SNTG1: variants seen among roughly 807,000 people sequenced by gnomAD.
SNTG1 encodes syntrophin gamma 1.
A neutral mutation model predicts 74.7 loss-of-function variants in SNTG1; 39 were observed. The observed-to-expected ratio is 0.52, with a 90% CI of 0.40 to 0.68. The LOEUF is 0.68. Ranked by LOEUF, SNTG1 falls within the 30% of genes least tolerant of loss-of-function variation. SNTG1 has a pLI of 0.00. For synonymous variants in SNTG1, 254 were observed against 217.1 expected (o/e 1.17, Z -1.49); for missense variants, 685 against 609.5 (o/e 1.12, Z -1.30).
At chr8:50,570,470 G>C (rs931128627) in intron 12 of SNTG1, among the ~76,000 whole-genome samples, 4 of 149,006 alleles carry the variant, frequency 2.7e-5, no homozygotes, top group African/African-American at 9.8e-5. Flanking sequence ...TATTGGTTAG[G>C]CTGGTCTTGA....
chr8:49,931,691 A>C (rs1381343520), intron 1 of SNTG1, among the ~76,000 whole-genome samples: 1 of 152,216 alleles, frequency 6.6e-6, no homozygotes, highest in African/African-American at 2.4e-5. Flanking sequence ...CACACACTAG[A>C]ATTCCATCAG....
chr8:50,600,449 TAGAGCTCCA>T (rs1432808627), intron 13 of SNTG1, among the ~76,000 whole-genome samples: 1 of 151,408 alleles, frequency 6.6e-6, no homozygotes, highest in Non-Finnish European at 1.5e-5. Context: ...GGAGACTCAT[TAGAGCTCCA>T]ATCTCCTTCT....
intron 2 of SNTG1, among the ~76,000 whole-genome samples, chr8:50,299,312 T>C (rs545005185): frequency 1.3e-5 from 2 of 152,208 alleles, no homozygotes; most frequent in East Asian, 3.9e-4. Flanking sequence ...GTCTCCTCTT[T>C]CTCCTTCTTC....
At chr8:50,674,612 A>T (rs2095301401) in intron 15 of SNTG1, among the ~76,000 whole-genome samples, 1 of 151,910 alleles carries the variant, frequency 6.6e-6, no homozygotes, top group Admixed American at 6.6e-5. Context: ...TTTTTCAAAA[A>T]ACCAGCACCT....
intron 18 of SNTG1, among the ~76,000 whole-genome samples, chr8:50,786,383 T>C (rs547523969): frequency 2.0e-5 from 3 of 152,006 alleles, no homozygotes; most frequent in Non-Finnish European, 4.4e-5. Context: ...TAAGGGGAGC[T>C]ACATCCCATG....
At chr8:49,930,511 GTA>G (rs956478082) in intron 1 of SNTG1, among the ~76,000 whole-genome samples, 9 of 151,132 alleles carry the variant, frequency 6.0e-5, no homozygotes, top group South Asian at 2.1e-4. Flanking sequence ...ATATATGTGT[GTA>G]TATATATATG....
intron 11 of SNTG1, among the ~76,000 whole-genome samples, chr8:50,546,913 C>T (rs2094392215): frequency 6.6e-6 from 1 of 152,098 alleles, no homozygotes; most frequent in Non-Finnish European, 1.5e-5. Flanking sequence ...TCCAGAGTAG[C>T]TGAGATTACA....
chr8:49,920,544 TA>T (rs904760773), intron 1 of SNTG1, among the ~76,000 whole-genome samples: 6 of 151,814 alleles, frequency 4.0e-5, no homozygotes, highest in South Asian at 2.1e-4. Flanking sequence ...AGTAAATAAA[TA>T]AAAAAACAAA....
At chr8:50,319,082 T>C (rs1385528129) in intron 2 of SNTG1, among the ~76,000 whole-genome samples, 1 of 152,114 alleles carries the variant, frequency 6.6e-6, no homozygotes, top group East Asian at 1.9e-4. Flanking sequence ...ATAATGTATT[T>C]CTTCTATTTG....
At chr8:50,308,641 G>A (rs1287918399) in intron 2 of SNTG1, among the ~76,000 whole-genome samples, 2 of 151,912 alleles carry the variant, frequency 1.3e-5, no homozygotes, top group African/African-American at 2.4e-5. Context: ...TAGTCAGCTG[G>A]GTAGAGCACA....
chr8:50,153,444 AG>A (rs1341244484), intron 1 of SNTG1, among the ~76,000 whole-genome samples: 1 of 152,166 alleles, frequency 6.6e-6, no homozygotes, highest in East Asian at 1.9e-4. Context: ...ACTGCTGGCG[AG>A]GAGCTGTGTT....
chr8:50,251,195 A>C (rs73577275), intron 2 of SNTG1, among the ~76,000 whole-genome samples: 2 of 152,024 alleles, frequency 1.3e-5, no homozygotes, highest in South Asian at 4.1e-4. Flanking sequence ...CCTTATGGTA[A>C]CCAAACACAC....
intron 2 of SNTG1, among the ~76,000 whole-genome samples, chr8:50,339,918 G>A (rs2091270320): frequency 6.6e-6 from 1 of 151,796 alleles, no homozygotes; most frequent in Admixed American, 6.6e-5. Flanking sequence ...ACTATGTATT[G>A]TGTACAAGAA....
intron 1 of SNTG1, among the ~76,000 whole-genome samples, chr8:50,127,488 G>A (rs2081185852): frequency 6.6e-6 from 1 of 152,126 alleles, no homozygotes; most frequent in South Asian, 2.1e-4. Context: ...CCACCGCCCA[G>A]TGGGTAGAGG....
chr8:50,651,645 C>T (rs924352985), intron 13 of SNTG1, among the ~76,000 whole-genome samples: 8 of 151,778 alleles, frequency 5.3e-5, no homozygotes, highest in Admixed American at 3.3e-4. Flanking sequence ...TTAGTAGAGA[C>T]GGGATTTCTC....
intron 1 of SNTG1, among the ~76,000 whole-genome samples, chr8:50,064,996 G>C (rs1008832793): frequency 1.3e-5 from 2 of 152,094 alleles, no homozygotes; most frequent in African/African-American, 4.8e-5. Flanking sequence ...GCTTAGGACC[G>C]TGATTGGCAT....
chr8:50,585,185 C>G (rs551377847), intron 12 of SNTG1, among the ~76,000 whole-genome samples: 9 of 152,194 alleles, frequency 5.9e-5, no homozygotes, highest in African/African-American at 1.7e-4. Context: ...TTCTGTTTTT[C>G]ATTTTTAAAA....
At chr8:50,634,974 T>C (rs761835538) in intron 13 of SNTG1, among the ~76,000 whole-genome samples, 15 of 152,320 alleles carry the variant, frequency 9.8e-5, no homozygotes, top group Non-Finnish European at 2.2e-4. Flanking sequence ...ACCTTTGGGA[T>C]TGGTCTACCA....
chr8:50,684,740 C>CTTTTTTTTTTTTTT (rs71235319), intron 15 of SNTG1, among the ~76,000 whole-genome samples: 2 of 135,130 alleles, frequency 1.5e-5, no homozygotes, highest in Non-Finnish European at 3.2e-5. Flanking sequence ...TTTTTTTTTT[C>CTTTTTTTTTTTTTT]TTTTTTTTTA....
Sources: gnomAD v4.1 joint callset for allele counts (sites outside exome capture counted in the v4.1 genomes callset) on GRCh38, gnomAD v4.1.1 for gene constraint, MANE v1.5 for transcripts, NCBI Gene and HGNC (gene_info 2026-07-23, HGNC 2026-07-21) for gene names.